The following PARVA variants were observed in gnomAD, a reference collection of about 807,000 sequenced individuals.
PARVA encodes alpha-parvin.
Under a neutral mutation model 52.6 loss-of-function variants are expected in PARVA, and 25 were observed. That is an observed-to-expected ratio of 0.48 (90% CI 0.35 to 0.66). PARVA has a LOEUF of 0.66. PARVA is among the 30% of genes least tolerant of loss of function. The probability of loss-of-function intolerance (pLI) is 0.01; values close to 1 mark genes in which losing one functional copy is unlikely to be tolerated. For synonymous variants in PARVA, 185 were observed against 179.1 expected, an observed-to-expected ratio of 1.03 and a Z score of -0.26; for missense variants, 373 against 450.9, an observed-to-expected ratio of 0.83 and a Z score of 1.56.
At chr11:12,413,813 G>A (rs1297859605) in intron 1 of PARVA, among the ~76,000 whole-genome samples, 1 of 152,204 alleles carries the variant, frequency 6.6e-6, no homozygotes, top group African/African-American at 2.4e-5. Flanking sequence ...GAGAACACTC[G>A]AGCCCCCAGC....
chr11:12,392,286 T>A (rs1939670177), intron 1 of PARVA, among the ~76,000 whole-genome samples: 1 of 148,260 alleles, frequency 6.7e-6, no homozygotes, highest in Non-Finnish European at 1.5e-5. Context: ...TTTTTTTTCC[T>A]GAGACGGAGT....
chr11:12,378,333 C>T (rs1399629692), intron 1 of PARVA, among the ~76,000 whole-genome samples: 4 of 152,088 alleles, frequency 2.6e-5, no homozygotes, highest in African/African-American at 7.2e-5. Flanking sequence ...TTTGTCCATC[C>T]CGAGGGCTGA....
At chr11:12,479,671 C>G (rs1941059577) in intron 4 of PARVA, 1 of 152,216 alleles carries the variant, frequency 6.6e-6, no homozygotes. Context: ...ACAAATGTTT[C>G]TCTCTCTGAG....
chr11:12,382,025 A>G lies in PARVA; in HGVS notation c.136+4242A>G, dbSNP rs868092973. On this transcript the variant is annotated intron_variant, in intron 1 of 12. Transcript: ENST00000334956. ...AGATCACTTTTAACTGCGGTACACAATTTACTGGAGAGATGAACTGTTCAC... is the reference window on the plus strand; with the variant it reads ...AGATCACTTTTAACTGCGGTACACAGTTTACTGGAGAGATGAACTGTTCAC... Among the ~76,000 whole-genome samples the G allele has an allele frequency of 5.3e-5, 8 of 152,196 alleles. No homozygotes were observed. In the South Asian group the frequency reaches 1.7e-3, roughly 31 times the overall value.
chr11:12,408,909 A>G (rs558003207), intron 1 of PARVA, among the ~76,000 whole-genome samples: 1 of 152,366 alleles, frequency 6.6e-6, no homozygotes, highest in South Asian at 2.1e-4. Context: ...GGGACTAACT[A>G]TGATCTTGGG....
At chr11:12,471,906 A>G (rs546290261) in intron 1 of PARVA, among the ~76,000 whole-genome samples, 88 of 152,376 alleles carry the variant, frequency 5.8e-4, no homozygotes, top group African/African-American at 2.0e-3. Context: ...TTGCAGCCAC[A>G]TTTAAACATG....
intron 4 of PARVA, among the ~76,000 whole-genome samples, chr11:12,490,399 C>A (rs1304912423): frequency 2.6e-5 from 4 of 151,448 alleles, no homozygotes; most frequent in Non-Finnish European, 5.9e-5. Context: ...GTGGCGCACA[C>A]CTGTAATCTC....
Position 12,435,876 on chromosome 11 carries a change from G to T in PARVA, c.137-37869G>T, listed in dbSNP as rs912156327. Among the ~76,000 whole-genome samples, 187 of 152,106 alleles carry T rather than the reference G, an allele frequency of 1.2e-3. 2 individuals carry two copies. Among genetic ancestry groups the T allele is most frequent in the Admixed American group, 0.012 (187 of 15,270 alleles). On this transcript the variant is annotated intron_variant, in intron 1 of 12. Coordinates refer to ENST00000334956, the MANE Select transcript of PARVA (RefSeq NM_018222.5). ...TTTGTCGCCCAGGCTGGAGTGCAGT[G>T]GCGTGATCTCGGCTCACTGCAACCT...
chr11:12,480,944 G>A (rs1243226731), intron 4 of PARVA: 1 of 152,044 alleles, frequency 6.6e-6, no homozygotes, highest in Admixed American at 6.5e-5. Flanking sequence ...AGAGTTTTGA[G>A]TGAGCACTCT....
At chr11:12,389,360 G>A (rs1939624528) in intron 1 of PARVA, among the ~76,000 whole-genome samples, 1 of 152,134 alleles carries the variant, frequency 6.6e-6, no homozygotes, top group Non-Finnish European at 1.5e-5. Flanking sequence ...GAGAAGCATG[G>A]CCACCATCCC....
chr11:12,480,453 C>T (rs1941072138), intron 4 of PARVA: 1 of 152,122 alleles, frequency 6.6e-6, no homozygotes, highest in African/African-American at 2.4e-5. Context: ...TTTAACTCCT[C>T]CAGCAGACAT....
rs577103066 is a variant in PARVA, at chr11:12,426,921, T to A, written c.137-46824T>A. ...AGGAATGGATATTCTGGGGGCAGAA[T>A]GAGGATGGGGCAGAGAAAGGGAAAT... On this transcript the variant is annotated intron_variant, in intron 1 of 12. Coordinates refer to ENST00000334956, the MANE Select transcript of PARVA (RefSeq NM_018222.5). 3.3e-5 allele frequency among the ~76,000 whole-genome samples: 5 copies of A among 152,204 alleles called. No homozygotes were observed. In the South Asian group the frequency reaches 1.0e-3, roughly 32 times the overall value.
chr11:12,522,898 G>C (rs1941656539), intron 12 of PARVA, among the ~76,000 whole-genome samples: 1 of 152,064 alleles, frequency 6.6e-6, no homozygotes, highest in Admixed American at 6.6e-5. Context: ...TTGATGCTAG[G>C]ACTGGTAAGA....
At chr11:12,457,270 C>T (rs1940709899) in intron 1 of PARVA, among the ~76,000 whole-genome samples, 1 of 152,092 alleles carries the variant, frequency 6.6e-6, no homozygotes, top group Non-Finnish European at 1.5e-5. Flanking sequence ...GTTCTCTGTA[C>T]AGATTTGCTG....
intron 1 of PARVA, among the ~76,000 whole-genome samples, chr11:12,466,980 G>A (rs961159920): frequency 6.6e-6 from 1 of 152,120 alleles, no homozygotes; most frequent in African/African-American, 2.4e-5. Flanking sequence ...AAGTTGGAAA[G>A]AATTGAAATC....
At chr11:12,457,442 G>A (rs1428736923) in intron 1 of PARVA, among the ~76,000 whole-genome samples, 2 of 152,188 alleles carry the variant, frequency 1.3e-5, no homozygotes, top group Non-Finnish European at 1.5e-5. Flanking sequence ...TAAGTTATAA[G>A]CAAAAATGCT....
intron 1 of PARVA, among the ~76,000 whole-genome samples, chr11:12,426,109 C>G (rs1940229988): frequency 6.6e-6 from 1 of 152,170 alleles, no homozygotes; most frequent in Non-Finnish European, 1.5e-5. Flanking sequence ...ACGTATTAAA[C>G]AAGTCAACCG....
chr11:12,519,492 G>A (rs1941611153), intron 12 of PARVA, among the ~76,000 whole-genome samples: 1 of 152,208 alleles, frequency 6.6e-6, no homozygotes, highest in African/African-American at 2.4e-5. Flanking sequence ...TGAAATGACA[G>A]TCATGGGAAC....
chr11:12,416,808 G>A (rs1182171527), intron 1 of PARVA, among the ~76,000 whole-genome samples: 1 of 149,868 alleles, frequency 6.7e-6, no homozygotes, highest in Non-Finnish European at 1.5e-5. Context: ...GAAAGGAGGG[G>A]AGGGCACGAG....
Sources: allele counts gnomAD v4.1 joint callset (sites outside exome capture counted in the v4.1 genomes callset), GRCh38; gene constraint gnomAD v4.1.1; transcripts MANE v1.5; gene names NCBI Gene and HGNC (gene_info 2026-07-23, HGNC 2026-07-21).